The following FIGN variants were observed in gnomAD, a reference collection of about 807,000 sequenced individuals.
FIGN encodes the protein fidgetin, microtubule severing factor.
Under a neutral mutation model 51.3 loss-of-function variants are expected in FIGN, and 11 were observed. That is an observed-to-expected ratio of 0.21 (90% CI 0.13 to 0.35). The LOEUF (loss-of-function observed/expected upper bound fraction) is 0.35, where lower values mean the gene tolerates loss of function less well. FIGN is among the 10% of genes least tolerant of loss of function. FIGN has a pLI of 1.00. For missense variants in FIGN, 857 were observed against 943.6 expected (o/e 0.91, Z 1.20); for synonymous variants, 407 against 363.2 (o/e 1.12, Z -1.37).
chr2:163,625,723 AT>A (rs1316635840), intron 2 of FIGN, among the ~76,000 whole-genome samples: 2 of 152,014 alleles, frequency 1.3e-5, no homozygotes, highest in African/African-American at 4.8e-5. Flanking sequence ...GAAATTGAAC[AT>A]TTTTATTGTT....
intron 2 of FIGN, among the ~76,000 whole-genome samples, chr2:163,710,517 A>G (rs1293746821): frequency 6.6e-6 from 1 of 152,240 alleles, no homozygotes; most frequent in African/African-American, 2.4e-5. Context: ...GGATGGGCCA[A>G]ATGGCAGGTG....
At chr2:163,633,024 A>C (rs1357751738) in intron 2 of FIGN, among the ~76,000 whole-genome samples, 3 of 151,880 alleles carry the variant, frequency 2.0e-5, no homozygotes, top group Non-Finnish European at 2.9e-5. Context: ...CCAAAAAAAA[A>C]CCTTTTAAAA....
intron 2 of FIGN, among the ~76,000 whole-genome samples, chr2:163,614,101 C>A (rs540016949): frequency 3.5e-4 from 53 of 152,110 alleles, no homozygotes; most frequent in African/African-American, 1.2e-3. Flanking sequence ...TGATGAAATG[C>A]AGCTTGCATC....
At chr2:163,618,442 C>T (rs2105303933) in intron 2 of FIGN, among the ~76,000 whole-genome samples, 1 of 151,106 alleles carries the variant, frequency 6.6e-6, no homozygotes, top group South Asian at 2.1e-4. Context: ...ATTATGAAGG[C>T]ATTTCTGGCT....
intron 2 of FIGN, among the ~76,000 whole-genome samples, chr2:163,675,819 A>G (rs1683953011): frequency 1.4e-5 from 2 of 142,834 alleles, no homozygotes; most frequent in South Asian, 2.1e-4. Context: ...TTCATCATAT[A>G]TAATATATAT....
chr2:163,704,072 A>G (rs989208965), intron 2 of FIGN, among the ~76,000 whole-genome samples: 3 of 152,124 alleles, frequency 2.0e-5, no homozygotes, highest in Non-Finnish European at 1.5e-5. Flanking sequence ...CAGCTGGCAG[A>G]GTTTTCCTAA....
At chr2:163,675,732 A>G (rs1683950417) in intron 2 of FIGN, among the ~76,000 whole-genome samples, 2 of 41,526 alleles carry the variant, frequency 4.8e-5, no homozygotes, top group South Asian at 1.1e-3. Context: ...TTTTTTTTGT[A>G]CAAGCATGTC....
In FIGN at chr2:163,697,100, C is replaced by CTTTTTTTTTTTTTTTTTTTTTT. The variant is rs1258378034; in HGVS notation, c.25+37802_25+37803insAAAAAAAAAAAAAAAAAAAAAA. Among the ~76,000 whole-genome samples, 4 of 108,432 alleles carry CTTTTTTTTTTTTTTTTTTTTTT rather than the reference C, an allele frequency of 3.7e-5. 2 individuals are homozygous for CTTTTTTTTTTTTTTTTTTTTTT. The highest frequency in any genetic ancestry group is 3.7e-5 in the Non-Finnish European group (2 of 53,932). The allele number at this position is 108,432 out of a possible 152,430, so 71.1% of individuals were successfully genotyped here. On this transcript the variant is annotated intron_variant, in intron 2 of 2. Transcript: ENST00000333129. ...GTCATAATTTTTTTTCTTTTCTTTT[C>CTTTTTTTTTTTTTTTTTTTTTT]TTTCTTTTTTTTTTTTTTTTGAGAC...
At chr2:163,689,176 A>ACACACACACACACC (rs1271168346) in intron 2 of FIGN, among the ~76,000 whole-genome samples, 1 of 151,536 alleles carries the variant, frequency 6.6e-6, no homozygotes, top group Non-Finnish European at 1.5e-5. Context: ...AAAAATGAAC[A>ACACACACACACACC]CACACACACA....
At position 163,609,595 on chromosome 2, in the gene FIGN, T is replaced by C; in HGVS notation, c.2237A>G (p.Asp746Gly). Residue 746 changes from aspartate to glycine, a missense_variant, in exon 3 of 3, where the codon GAT (aspartate) becomes GGT (glycine). Physicochemically the swap from Asp to Gly is moderately conservative, Grantham distance 94. Coordinates refer to ENST00000333129, the MANE Select transcript of FIGN (RefSeq NM_018086.4). ...IQPSISQKEL[D>G]MYVEWNKMFG... ...CATTTTGTTCCATTCAACATACATA[T>C]CAAGCTCCTTTTGAGATATGCTAGG... 1 of 1,614,082 alleles carries C rather than the reference T, an allele frequency of 6.2e-7. No homozygotes were observed. The highest frequency in any genetic ancestry group is 8.5e-7 in the Non-Finnish European group (1 of 1,180,004).
chr2:163,686,432 A>T (rs1684150158), intron 2 of FIGN, among the ~76,000 whole-genome samples: 1 of 152,144 alleles, frequency 6.6e-6, no homozygotes. Context: ...AAAACTCTTC[A>T]AGTACAATCT....
At chr2:163,628,404 G>C (rs968846532) in intron 2 of FIGN, among the ~76,000 whole-genome samples, 2 of 152,158 alleles carry the variant, frequency 1.3e-5, no homozygotes, top group African/African-American at 4.8e-5. Flanking sequence ...GAAGCAGAGT[G>C]GTTTGATATC....
At chr2:163,654,374 T>C (rs1430627843) in intron 2 of FIGN, among the ~76,000 whole-genome samples, 2 of 152,176 alleles carry the variant, frequency 1.3e-5, no homozygotes, top group East Asian at 3.8e-4. Context: ...ATACAGTACT[T>C]GGCACCAACT....
intron 2 of FIGN, among the ~76,000 whole-genome samples, chr2:163,722,977 G>A (rs996047781): frequency 2.0e-5 from 3 of 151,718 alleles, no homozygotes; most frequent in Non-Finnish European, 4.4e-5. Context: ...ATGAGGTCAG[G>A]AGATCGAGAC....
intron 2 of FIGN, among the ~76,000 whole-genome samples, chr2:163,702,570 C>A (rs1684425628): frequency 6.6e-6 from 1 of 151,858 alleles, no homozygotes; most frequent in South Asian, 2.1e-4. Flanking sequence ...TAGCTCCAAA[C>A]CAAAGGCTAC....
At chr2:163,666,334 GA>G (rs1170642433) in intron 2 of FIGN, among the ~76,000 whole-genome samples, 1 of 152,082 alleles carries the variant, frequency 6.6e-6, no homozygotes, top group African/African-American at 2.4e-5. Context: ...TCCCCCAAAG[GA>G]TTATACATTG....
intron 2 of FIGN, among the ~76,000 whole-genome samples, chr2:163,645,593 A>G (rs970158730): frequency 6.6e-6 from 1 of 152,288 alleles, no homozygotes; most frequent in East Asian, 1.9e-4. Flanking sequence ...AGTTTCCAGT[A>G]TTAGAAACCA....
chr2:163,614,971 G>C (rs1682847204), intron 2 of FIGN, among the ~76,000 whole-genome samples: 1 of 152,078 alleles, frequency 6.6e-6, no homozygotes, highest in African/African-American at 2.4e-5. Context: ...TAAATAGAGT[G>C]TCCATTTCAT....
At chr2:163,692,731 A>G (rs1684257417) in intron 2 of FIGN, among the ~76,000 whole-genome samples, 1 of 152,220 alleles carries the variant, frequency 6.6e-6, no homozygotes, top group South Asian at 2.1e-4. Context: ...TTAAAAAGAA[A>G]AAAACAAACG....
Sources: allele counts gnomAD v4.1 joint callset (sites outside exome capture counted in the v4.1 genomes callset), GRCh38; gene constraint gnomAD v4.1.1; transcripts MANE v1.5; gene names NCBI Gene and HGNC (gene_info 2026-07-23, HGNC 2026-07-21).